Variants in SON observed in about 807,000 individuals in gnomAD.
The protein encoded by SON is SON DNA and RNA binding protein, also known as protein SON.
In SON, 4 loss-of-function variants were observed where a neutral mutation model predicts 173.3. The ratio of observed to expected loss-of-function variants is 0.02; its 90% CI spans 0.01 to 0.05. The LOEUF is 0.05. Among genes scored for constraint, SON ranks in the 10% least tolerant of loss-of-function variants. The pLI, the probability that SON is intolerant of heterozygous loss-of-function variation, is 1.00. For synonymous variants in SON, 1,190 were observed against 1,105.9 expected (o/e 1.08, Z -1.51); for missense variants, 2,626 against 3,055.3 (o/e 0.86, Z 3.31).
intron 2 of SON, among the ~76,000 whole-genome samples, chr21:33,548,541 A>G (rs2085677674): frequency 6.6e-6 from 1 of 152,254 alleles, no homozygotes. Context: ...TGTAGAAGCA[A>G]TCACTAACCT....
At chr21:33,572,563 G>C (rs1045245787) in intron 8 of SON, 15 of 1,304,022 alleles carry the variant, frequency 1.2e-5, no homozygotes, top group Non-Finnish European at 1.5e-5. Context: ...CCAAATCCTT[G>C]TAGCTGTCTT....
chr21:33,572,732 G>A, intron 8 of SON: 1 of 473,362 alleles, frequency 2.1e-6, no homozygotes, highest in Non-Finnish European at 3.6e-6. Context: ...TATTTTATGT[G>A]ATTGTTTTCT....
chr21:33,573,497 A>T, intron 9 of SON, 42 bp downstream of exon 9: 1 of 1,555,658 alleles, frequency 6.4e-7, no homozygotes, highest in Non-Finnish European at 8.8e-7. Flanking sequence ...CGTCTCCTTT[A>T]ACATTACCTT....
Position 33,573,477 on chromosome 21 carries a change from T to G in SON, c.7033+22T>G, listed in dbSNP as rs752816299. The G allele has an allele frequency of 4.4e-6, 7 of 1,601,796 alleles. No individual in the cohort carries two copies. The African/African-American group carries it at 8.1e-5, about 19-fold the overall frequency. On this transcript the variant is annotated intron_variant, in intron 9 of 11. Transcript: ENST00000356577. ...AAAGGTAACAAGTTCTTTTTTGGAATGTTTATTAACGTCTCCTTTAACATT... is the reference window on the plus strand; with the variant it reads ...AAAGGTAACAAGTTCTTTTTTGGAAGGTTTATTAACGTCTCCTTTAACATT...
intron 6 of SON, among the ~76,000 whole-genome samples, chr21:33,561,483 A>G (rs1191883224): frequency 6.6e-6 from 1 of 152,106 alleles, no homozygotes; most frequent in Non-Finnish European, 1.5e-5. Context: ...TATGACAAAT[A>G]TTTTCCACTG....
intron 6 of SON, among the ~76,000 whole-genome samples, chr21:33,565,830 T>C (rs138583534): frequency 1.1e-3 from 167 of 152,322 alleles, no homozygotes; most frequent in African/African-American, 3.7e-3. Context: ...AAGAAGGCAT[T>C]GTATCAGAAT....
At position 33,550,990 on chromosome 21, in the gene SON, C is replaced by A; in HGVS notation, c.1759C>A (p.Gln587Lys). The change falls in exon 3 of 12, where the codon CAG becomes AAG. Residue 587 changes from glutamine (Q) to lysine (K), a missense_variant. Around this residue, in one of 13 missense-constraint regions of SON, gnomAD observed 757 missense variants for 730.1 expected, o/e 1.04. Transcript: ENST00000356577. ...AACTAGGGCACTGGAGTTGTCGGGG[C>A]AGCCTGTGGCAACTGGGGCACTAGA... is the stretch of plus-strand genomic sequence containing the variant. ...SATRALELSGQPVATGALELP... is the reference protein window; with the variant it reads ...SATRALELSGKPVATGALELP... 3 of 1,605,136 alleles carry A rather than the reference C, an allele frequency of 1.9e-6. No individual in the cohort carries two copies. Among genetic ancestry groups the A allele is most frequent in the East Asian group, 2.2e-5 (1 of 44,694 alleles).
chr21:33,545,942 G>T (rs1383964171), intron 1 of SON, among the ~76,000 whole-genome samples: 1 of 152,158 alleles, frequency 6.6e-6, no homozygotes, highest in Non-Finnish European at 1.5e-5. Flanking sequence ...CCTAAAGTTA[G>T]ATTTCTGAAA....
At chr21:33,556,838 A>T (rs1248338376) in intron 3 of SON, among the ~76,000 whole-genome samples, 2 of 151,678 alleles carry the variant, frequency 1.3e-5, no homozygotes, top group Admixed American at 6.6e-5. Flanking sequence ...TATATCTTAG[A>T]GTGTGTGTAG....
At chr21:33,549,104 A>G (rs1163410441) in intron 2 of SON, among the ~76,000 whole-genome samples, 1 of 148,990 alleles carries the variant, frequency 6.7e-6, no homozygotes, top group Non-Finnish European at 1.5e-5. Flanking sequence ...TTTGAGACAG[A>G]GTCTTGCTCT....
intron 6 of SON, among the ~76,000 whole-genome samples, chr21:33,562,404 T>G (rs2086086399): frequency 6.6e-6 from 1 of 152,164 alleles, no homozygotes; most frequent in Admixed American, 6.5e-5. Context: ...TTTTAATAAA[T>G]ATAAATGGAG....
At chr21:33,563,481 CTTATAA>C (rs985734147) in intron 6 of SON, among the ~76,000 whole-genome samples, 9 of 141,184 alleles carry the variant, frequency 6.4e-5, no homozygotes, top group East Asian at 4.0e-4. Context: ...GGTCTATTTT[CTTATAA>C]TTAAAGTTTT....
In SON at chr21:33,543,233, G is replaced by A. The variant is rs2085501788; in HGVS notation, c.77+64G>A. 2.8e-6 allele frequency: 4 copies of A among 1,410,606 alleles called. No homozygotes were observed. The South Asian group carries it at 4.6e-5, about 16-fold the overall frequency. The allele number at this position is 1,410,606 out of a possible 1,614,324, so 87.4% of individuals were successfully genotyped here. A position where few individuals can be genotyped will look rare whatever the true frequency, so the allele number is the denominator to read the frequency against. On this transcript the variant is annotated intron_variant, in intron 1 of 11. Transcript: ENST00000356577. ...TTAGGCCCTCACCTAGCCTTCTTTG[G>A]CACCTTTCTTCGGAGACGCAGTCGT...
At chr21:33,567,492 G>T in intron 7 of SON, 1 of 498,174 alleles carries the variant, frequency 2.0e-6, no homozygotes, top group Non-Finnish European at 3.7e-6. Flanking sequence ...TTTCTTGAGA[G>T]AACAAAATAG....
chr21:33,552,088 C>A lies in SON; in HGVS notation c.2857C>A (p.His953Asn). 1 of 1,614,036 alleles carries A rather than the reference C, an allele frequency of 6.2e-7. No individual in the cohort carries two copies. Among genetic ancestry groups the A allele is most frequent in the Non-Finnish European group, 8.5e-7 (1 of 1,179,986 alleles). The change falls in exon 3 of 12, where the codon CAT becomes AAT. Residue 953 changes from histidine to asparagine, a missense_variant. His to Asn is a moderately conservative substitution (Grantham distance 68). Transcript: ENST00000356577. The surrounding 1 kb of genome is among the most constrained non-coding windows in gnomAD (Gnocchi z 5.6). ...AGGACAAGACCCTTATAGATTAGGC[C>A]ATGATCCCTACAGACTAACTCCTGA... is the stretch of plus-strand genomic sequence containing the variant. ...RLGQDPYRLG[H>N]DPYRLTPDPY...
intron 8 of SON, chr21:33,572,767 AG>A: frequency 3.5e-6 from 1 of 289,142 alleles, no homozygotes. Context: ...AAATTTCAAG[AG>A]TTTTTTTTTT....
chr21:33,557,461 G>T, intron 4 of SON, 145 bp downstream of exon 4: 1 of 1,544,228 alleles, frequency 6.5e-7, no homozygotes. Flanking sequence ...TGTGGCAGCG[G>T]CAGAAGCTCT....
chr21:33,561,088 A>C (rs1449820566), intron 6 of SON: 1 of 152,226 alleles, frequency 6.6e-6, no homozygotes, highest in Non-Finnish European at 1.5e-5. Flanking sequence ...TTTTGAGAGA[A>C]CAAGTTCTGT....
In SON at chr21:33,546,579, A is replaced by C. The variant is rs2085622033; in HGVS notation, c.244+200A>C. The C allele has an allele frequency of 1.6e-5, 6 of 372,066 alleles. No homozygotes were observed. In the South Asian group the frequency reaches 1.9e-4, roughly 12 times the overall value. The allele number at this position is 372,066 out of a possible 1,614,324, so 23.0% of individuals were successfully genotyped here. ...TGGATCACCTGAGGTCAGGAGTTCC[A>C]GACCAACCTGGTCAACATGGAGAAA... On this transcript the variant is annotated intron_variant, in intron 2 of 11. Transcript: ENST00000356577.
Sources: allele counts gnomAD v4.1 joint callset (sites outside exome capture counted in the v4.1 genomes callset), GRCh38; gene constraint gnomAD v4.1.1; regional missense constraint gnomAD v4.1.1; non-coding constraint Gnocchi (gnomAD v3.1); transcripts MANE v1.5; gene names NCBI Gene and HGNC (gene_info 2026-07-23, HGNC 2026-07-21).